The following NXPE2 variants were observed in gnomAD, a reference collection of about 807,000 sequenced individuals.
NXPE2 encodes neurexophilin and PC-esterase domain family member 2.
Under a neutral mutation model 34.4 loss-of-function variants are expected in NXPE2, and 34 were observed. The ratio of observed to expected loss-of-function variants is 0.99; its 90% CI spans 0.75 to 1.31. The LOEUF (loss-of-function observed/expected upper bound fraction) is 1.31, where lower values mean the gene tolerates loss of function less well. Ranked by LOEUF, NXPE2 falls within the 40% of genes most tolerant of loss-of-function variation. NXPE2 has a pLI of 0.00. For synonymous variants in NXPE2, 235 were observed against 231.3 expected (o/e 1.02, Z -0.15); for missense variants, 649 against 672.5 (o/e 0.97, Z 0.39).
the NXPE2 span, among the ~76,000 whole-genome samples, chr11:114,663,703 T>TG: frequency 1.3e-5 from 2 of 151,602 alleles, no homozygotes; most frequent in African/African-American, 4.9e-5. Flanking sequence ...TCTATCTATC[T>TG]ATCTATCTAT....
chr11:114,669,557 A>G, the NXPE2 span, among the ~76,000 whole-genome samples: 1 of 152,166 alleles, frequency 6.6e-6, no homozygotes, highest in East Asian at 1.9e-4. Context: ...GAGCAGAAGC[A>G]CTTTTCTAGG....
chr11:114,515,751 TG>T, the NXPE2 span, among the ~76,000 whole-genome samples: 72 of 98,584 alleles, frequency 7.3e-4, 6 homozygotes, highest in African/African-American at 3.9e-3. Context: ...AAAGTAAGTA[TG>T]AAAGGGCAGT....
At chr11:114,580,738 C>T in the NXPE2 span, among the ~76,000 whole-genome samples, 5 of 152,084 alleles carry the variant, frequency 3.3e-5, no homozygotes, top group African/African-American at 1.2e-4. Flanking sequence ...ATGACACCAT[C>T]AAAATATAAA....
chr11:114,636,481 T>C, the NXPE2 span, among the ~76,000 whole-genome samples: 54 of 152,104 alleles, frequency 3.6e-4, no homozygotes, highest in South Asian at 0.011. Flanking sequence ...GCTCTGATTT[T>C]AGTTATTTCT....
the NXPE2 span, among the ~76,000 whole-genome samples, chr11:114,751,151 A>G: frequency 3.3e-5 from 5 of 152,206 alleles, no homozygotes; most frequent in Non-Finnish European, 5.9e-5. Context: ...ATTGCCTCAT[A>G]TCAAACTTGA....
chr11:114,723,940 C>T, the NXPE2 span, among the ~76,000 whole-genome samples: 7 of 152,178 alleles, frequency 4.6e-5, no homozygotes, highest in African/African-American at 1.7e-4. Flanking sequence ...TATTTTGCTT[C>T]AAGTTCTTCC....
chr11:114,634,538 C>A, the NXPE2 span, among the ~76,000 whole-genome samples: 1 of 151,980 alleles, frequency 6.6e-6, no homozygotes, highest in Admixed American at 6.6e-5. Context: ...AGTCCTTGCC[C>A]ATGCCTATGT....
chr11:114,553,634 T>C, the NXPE2 span: 3 of 818,716 alleles, frequency 3.7e-6, no homozygotes, highest in Non-Finnish European at 4.4e-6. Flanking sequence ...CAAATCAGAC[T>C]TCTTAGAATC....
chr11:114,737,054 AACAC>A, the NXPE2 span, among the ~76,000 whole-genome samples: 1 of 151,858 alleles, frequency 6.6e-6, no homozygotes, highest in African/African-American at 2.4e-5. Context: ...TCCCTCCTAG[AACAC>A]ACACACACAC....
At chr11:114,623,535 G>A in the NXPE2 span, among the ~76,000 whole-genome samples, 1 of 152,060 alleles carries the variant, frequency 6.6e-6, no homozygotes, top group Non-Finnish European at 1.5e-5. Flanking sequence ...GATAAACACT[G>A]TTACCTGGCA....
chr11:114,501,472 T>TC, the NXPE2 span, among the ~76,000 whole-genome samples: 1 of 152,180 alleles, frequency 6.6e-6, no homozygotes, highest in Non-Finnish European at 1.5e-5. Context: ...AAATCTCAGG[T>TC]TATCTTTGAA....
chr11:114,652,922 T>C, the NXPE2 span, among the ~76,000 whole-genome samples: 14,010 of 152,216 alleles, frequency 0.092, 765 homozygotes, highest in Middle Eastern at 0.2. Flanking sequence ...ATCCAGATGA[T>C]TATGTAAAAT....
chr11:114,546,466 T>C, the NXPE2 span, among the ~76,000 whole-genome samples: 1 of 93,298 alleles, frequency 1.1e-5, no homozygotes, highest in African/African-American at 7.7e-5. Flanking sequence ...ATATTTTTTC[T>C]TTTTCTTTTT....
intron 2 of NXPE2, among the ~76,000 whole-genome samples, chr11:114,697,717 T>C (rs980060449): frequency 3.3e-5 from 5 of 152,196 alleles, no homozygotes; most frequent in African/African-American, 7.2e-5. Context: ...AATGATAATA[T>C]GGTTTTTAAA....
At chr11:114,656,383 C>A in the NXPE2 span, among the ~76,000 whole-genome samples, 235 of 152,196 alleles carry the variant, frequency 1.5e-3, 1 homozygote, top group African/African-American at 5.3e-3. Flanking sequence ...CAGTGCTATT[C>A]CCATCAAACT....
chr11:114,550,961 G>T, the NXPE2 span: 3 of 582,224 alleles, frequency 5.2e-6, no homozygotes, highest in Non-Finnish European at 6.1e-6. Context: ...TGCCTCTAAG[G>T]AGTTAGGTAG....
At chr11:114,557,403 A>G in the NXPE2 span, among the ~76,000 whole-genome samples, 1 of 152,042 alleles carries the variant, frequency 6.6e-6, no homozygotes, top group South Asian at 2.1e-4. Context: ...CTCCATTTAC[A>G]TTTAACTCTT....
At chr11:114,742,648 G>T in the NXPE2 span, among the ~76,000 whole-genome samples, 26 of 120,038 alleles carry the variant, frequency 2.2e-4, no homozygotes, top group East Asian at 2.6e-3. Flanking sequence ...CCCTAACACT[G>T]TACTAGAACT....
chr11:114,635,890 C>T, the NXPE2 span, among the ~76,000 whole-genome samples: 1 of 152,020 alleles, frequency 6.6e-6, no homozygotes, highest in African/African-American at 2.4e-5. Flanking sequence ...AGAATTTTTG[C>T]ATCAATGTTC....
Sources: gnomAD v4.1 joint callset for allele counts (sites outside exome capture counted in the v4.1 genomes callset) on GRCh38, gnomAD v4.1.1 for gene constraint, MANE v1.5 for transcripts, NCBI Gene and HGNC (gene_info 2026-07-23, HGNC 2026-07-21) for gene names.